Variants in CDC42BPA observed in about 807,000 individuals in gnomAD.
CDC42BPA encodes the protein CDC42 binding protein kinase alpha, also known as serine/threonine-protein kinase MRCK alpha.
CDC42BPA carries 80 observed loss-of-function variants against 223.5 expected under a neutral mutation model. The ratio of observed to expected loss-of-function variants is 0.36; its 90% CI spans 0.30 to 0.43. The LOEUF is 0.43. Among genes scored for constraint, CDC42BPA ranks in the 20% least tolerant of loss-of-function variants. CDC42BPA has a pLI of 1.00. For missense variants in CDC42BPA, 1,743 were observed against 2,099.9 expected (o/e 0.83, Z 3.32); for synonymous variants, 694 against 718.6 (o/e 0.97, Z 0.55).
At chr1:227,138,809 T>G (rs1166979262) in intron 10 of CDC42BPA, among the ~76,000 whole-genome samples, 1 of 152,040 alleles carries the variant, frequency 6.6e-6, no homozygotes, top group Non-Finnish European at 1.5e-5. Flanking sequence ...GCCAAAGGTA[T>G]TTGACAAAGA....
chr1:227,034,851 T>C, intron 25 of CDC42BPA, 57 bp from the exon 26 acceptor site: 2 of 1,460,838 alleles, frequency 1.4e-6, no homozygotes, highest in Non-Finnish European at 1.9e-6. Flanking sequence ...AAATATCCCT[T>C]AAATTACATA....
chr1:227,219,033 A>G (rs1055088217), intron 2 of CDC42BPA, among the ~76,000 whole-genome samples: 1 of 152,218 alleles, frequency 6.6e-6, no homozygotes, highest in African/African-American at 2.4e-5. Context: ...CAGTATGCCC[A>G]CACCAGTTTG....
chr1:227,202,333 C>T (rs1237452517), intron 3 of CDC42BPA, among the ~76,000 whole-genome samples: 2 of 152,218 alleles, frequency 1.3e-5, no homozygotes, highest in African/African-American at 4.8e-5. Context: ...TACTTACTAC[C>T]AAGTCCTGTT....
At chr1:227,258,165 AC>A (rs1683413918) in intron 1 of CDC42BPA, among the ~76,000 whole-genome samples, 1 of 137,486 alleles carries the variant, frequency 7.3e-6, no homozygotes, top group East Asian at 2.1e-4. Context: ...ACAGGGTGAA[AC>A]CCTGTCCGGG....
At chr1:227,309,328 A>G (rs1056834780) in intron 1 of CDC42BPA, among the ~76,000 whole-genome samples, 2 of 152,246 alleles carry the variant, frequency 1.3e-5, no homozygotes, top group African/African-American at 4.8e-5. Flanking sequence ...ACTCTGAACA[A>G]AAGTTAATAG....
intron 1 of CDC42BPA, among the ~76,000 whole-genome samples, chr1:227,274,012 A>AAAAAC (rs1686488104): frequency 6.6e-6 from 1 of 150,666 alleles, no homozygotes; most frequent in Non-Finnish European, 1.5e-5. Context: ...AAAAAAAAAA[A>AAAAAC]AAAAAAAAAG....
At chr1:227,230,815 TCTTTC>T (rs796081149) in intron 2 of CDC42BPA, among the ~76,000 whole-genome samples, 84 of 75,856 alleles carry the variant, frequency 1.1e-3, no homozygotes, top group Admixed American at 1.4e-3. Flanking sequence ...CTTTTTTCTT[TCTTTC>T]TTTTTTTTTT....
At chr1:227,268,119 T>C (rs1414850118) in intron 1 of CDC42BPA, among the ~76,000 whole-genome samples, 1 of 152,194 alleles carries the variant, frequency 6.6e-6, no homozygotes, top group Non-Finnish European at 1.5e-5. Flanking sequence ...TAATGTGGTA[T>C]CTGATTGAAG....
intron 21 of CDC42BPA, among the ~76,000 whole-genome samples, chr1:227,058,160 C>G (rs6698156): frequency 0.14 from 21,490 of 152,164 alleles, 1,910 homozygotes; most frequent in South Asian, 0.34. Flanking sequence ...AACTAGTAAT[C>G]TTTCATAAAC....
intron 5 of CDC42BPA, among the ~76,000 whole-genome samples, chr1:227,161,386 C>G (rs966731907): frequency 4.6e-5 from 7 of 152,056 alleles, no homozygotes; most frequent in African/African-American, 1.7e-4. Flanking sequence ...AGAGATTATA[C>G]CCACCCAACT....
chr1:227,265,148 C>A (rs1684768454), intron 1 of CDC42BPA: 4 of 722,522 alleles, frequency 5.5e-6, no homozygotes, highest in East Asian at 2.5e-5. Context: ...AAGATTCCAG[C>A]AACCACTTCC....
chr1:227,289,017 T>C (rs1689256594), intron 1 of CDC42BPA, among the ~76,000 whole-genome samples: 1 of 150,898 alleles, frequency 6.6e-6, no homozygotes, highest in Admixed American at 6.6e-5. Context: ...TAATAATAAT[T>C]CAAAATAAAA....
At chr1:227,211,713 C>T (rs1463954009) in intron 3 of CDC42BPA, among the ~76,000 whole-genome samples, 2 of 151,632 alleles carry the variant, frequency 1.3e-5, no homozygotes, top group South Asian at 2.1e-4. Context: ...GAAGCTAAAC[C>T]ATGAGTACAC....
chr1:227,052,338 A>T (rs183091024), intron 21 of CDC42BPA, among the ~76,000 whole-genome samples: 65 of 152,330 alleles, frequency 4.3e-4, no homozygotes, highest in African/African-American at 1.6e-3. Flanking sequence ...CGGGTACTTA[A>T]TAGAGATACA....
intron 17 of CDC42BPA, among the ~76,000 whole-genome samples, chr1:227,074,688 T>C (rs1679099318): frequency 6.6e-6 from 1 of 152,150 alleles, no homozygotes; most frequent in Non-Finnish European, 1.5e-5. Context: ...CACAAATGTG[T>C]GAGGTTTTCT....
At chr1:227,005,217 C>T in intron 34 of CDC42BPA, 106 bp from the exon 35 acceptor site, 1 of 780,534 alleles carries the variant, frequency 1.3e-6, no homozygotes, top group Non-Finnish European at 2.2e-6. Context: ...ATCATCTTGA[C>T]CAGAATGACA....
intron 12 of CDC42BPA, among the ~76,000 whole-genome samples, chr1:227,114,556 T>C (rs1687478738): frequency 6.6e-6 from 1 of 151,838 alleles, no homozygotes; most frequent in Non-Finnish European, 1.5e-5. Flanking sequence ...TATATAAGAT[T>C]ATACTATAAA....
At chr1:227,034,014 C>T (rs11808332) in intron 26 of CDC42BPA, among the ~76,000 whole-genome samples, 43,118 of 151,946 alleles carry the variant, frequency 0.28, 6,335 homozygotes, top group African/African-American at 0.35. Flanking sequence ...GAAGATAATG[C>T]GTTTGAGATG....
intron 6 of CDC42BPA, among the ~76,000 whole-genome samples, chr1:227,149,637 T>G (rs1440266085): frequency 6.6e-6 from 1 of 152,100 alleles, no homozygotes; most frequent in African/African-American, 2.4e-5. Context: ...AAATAGTCAC[T>G]GAAATAAAAT....
Sources: gnomAD v4.1 joint callset for allele counts (sites outside exome capture counted in the v4.1 genomes callset) on GRCh38, gnomAD v4.1.1 for gene constraint, MANE v1.5 for transcripts, NCBI Gene and HGNC (gene_info 2026-07-23, HGNC 2026-07-21) for gene names.